STAC: variants seen among roughly 807,000 people sequenced by gnomAD.
The protein encoded by STAC is SH3 and cysteine rich domain, also known as SH3 and cysteine-rich domain-containing protein.
In STAC, 43 loss-of-function variants were observed where a neutral mutation model predicts 48.8. The observed-to-expected ratio is 0.88, with a 90% confidence interval of 0.69 to 1.14. STAC has a LOEUF of 1.14. STAC is among the 50% of genes most tolerant of loss of function. The probability of loss-of-function intolerance (pLI) is 0.00; values close to 1 mark genes in which losing one functional copy is unlikely to be tolerated. For synonymous variants in STAC, 193 were observed against 179.5 expected (o/e 1.07, Z -0.60); for missense variants, 497 against 504.0 (o/e 0.99, Z 0.13).
At chr3:36,527,226 G>C (rs1259746669) in intron 8 of STAC, among the ~76,000 whole-genome samples, 3 of 152,118 alleles carry the variant, frequency 2.0e-5, no homozygotes, top group African/African-American at 7.2e-5. Flanking sequence ...ATAAAGGATA[G>C]GCCAACTAAT....
At chr3:36,414,169 C>A (rs901371348) in intron 1 of STAC, among the ~76,000 whole-genome samples, 24 of 152,134 alleles carry the variant, frequency 1.6e-4, no homozygotes, top group African/African-American at 5.3e-4. Context: ...TTTCTCTTCT[C>A]AAGGAGTATC....
intron 8 of STAC, among the ~76,000 whole-genome samples, chr3:36,527,413 C>T (rs1698961135): frequency 6.6e-6 from 1 of 151,868 alleles, no homozygotes; most frequent in East Asian, 1.9e-4. Context: ...ATAAAGAACC[C>T]TTAGAAACTA....
intron 2 of STAC, among the ~76,000 whole-genome samples, chr3:36,466,911 C>A (rs1289793366): frequency 6.6e-6 from 1 of 151,476 alleles, no homozygotes; most frequent in Admixed American, 6.6e-5. Context: ...AAGTGGGCAT[C>A]CTAGTCTTGT....
intron 7 of STAC, among the ~76,000 whole-genome samples, 191 bp downstream of exon 7, chr3:36,504,648 G>A (rs1698356652): frequency 6.6e-6 from 1 of 152,122 alleles, no homozygotes; most frequent in South Asian, 2.1e-4. Context: ...GGTAAAAAGA[G>A]TAAGCATTGC....
At chr3:36,462,827 G>T (rs1443538166) in intron 2 of STAC, among the ~76,000 whole-genome samples, 1 of 152,114 alleles carries the variant, frequency 6.6e-6, no homozygotes, top group Non-Finnish European at 1.5e-5. Flanking sequence ...ACATATCATA[G>T]AAATTTATTT....
chr3:36,461,313 A>G (rs1697011325), intron 2 of STAC, among the ~76,000 whole-genome samples: 1 of 152,210 alleles, frequency 6.6e-6, no homozygotes, highest in Admixed American at 6.5e-5. Flanking sequence ...TTAATATCAG[A>G]CACCTTTGCA....
chr3:36,474,006 G>A (rs1278643075), intron 2 of STAC, among the ~76,000 whole-genome samples: 1 of 152,190 alleles, frequency 6.6e-6, no homozygotes, highest in Admixed American at 6.5e-5. Flanking sequence ...TAATATGTTA[G>A]TGATAGTGTA....
At chr3:36,381,889 GTTAC>G (rs1421064675) in intron 1 of STAC, among the ~76,000 whole-genome samples, 1 of 151,854 alleles carries the variant, frequency 6.6e-6, no homozygotes, top group African/African-American at 2.4e-5. Context: ...TTTTTTTCCT[GTTAC>G]TTACTGGCTG....
At chr3:36,505,161 C>T (rs947737716) in intron 7 of STAC, among the ~76,000 whole-genome samples, 11 of 152,064 alleles carry the variant, frequency 7.2e-5, no homozygotes, top group African/African-American at 2.7e-4. Flanking sequence ...ACACAACAAA[C>T]TATCAAAACA....
At chr3:36,453,627 G>GGAGGCTAGGGGATTGTAAA (rs1553636174) in intron 2 of STAC, among the ~76,000 whole-genome samples, 15 of 106,304 alleles carry the variant, frequency 1.4e-4, no homozygotes, top group South Asian at 5.1e-4. Context: ...TCCCTGACGA[G>GGAGGCTAGGGGATTGTAAA]CGCCGCCCCC....
In STAC at chr3:36,486,199, AC is replaced by A; in HGVS notation, c.638del (p.Thr213LysfsTer37). ...LRFGTSLAQR[T>X]KKGSSGSGSD... ...CTTCGGCACCTCCCTGGCCCAGAGG[AC>A]AAAGAAGGGCAGCTCCGGCAGTGGC... is the stretch of plus-strand genomic sequence containing the variant. On this transcript the variant is annotated frameshift_variant, in exon 5 of 11. Transcript: ENST00000273183. LOFTEE classifies it high-confidence loss of function. 2 of 1,613,984 alleles carry A rather than the reference AC, an allele frequency of 1.2e-6. No homozygotes were observed. The highest frequency in any genetic ancestry group is 2.2e-5 in the South Asian group (2 of 91,030).
intron 8 of STAC, among the ~76,000 whole-genome samples, chr3:36,510,091 A>G (rs1036820762): frequency 1.3e-5 from 2 of 152,210 alleles, no homozygotes; most frequent in Non-Finnish European, 2.9e-5. Context: ...CAGAATCGAC[A>G]AGGAACTTAA....
At chr3:36,495,004 C>A (rs949630878) in intron 6 of STAC, among the ~76,000 whole-genome samples, 5 of 152,188 alleles carry the variant, frequency 3.3e-5, no homozygotes, top group Non-Finnish European at 5.9e-5. Flanking sequence ...TCCCCTGACA[C>A]TCTTCTCATC....
At chr3:36,506,654 A>T (rs934805398) in intron 8 of STAC, among the ~76,000 whole-genome samples, 4 of 152,108 alleles carry the variant, frequency 2.6e-5, no homozygotes, top group African/African-American at 7.2e-5. Flanking sequence ...ATCCCTTGTA[A>T]GCTGGATTCC....
intron 1 of STAC, among the ~76,000 whole-genome samples, chr3:36,426,311 T>C (rs1213631325): frequency 6.6e-6 from 1 of 152,236 alleles, no homozygotes; most frequent in Non-Finnish European, 1.5e-5. Flanking sequence ...TATCTCTTGC[T>C]AGATAGATTA....
rs141157024 is a variant in STAC at position 36,401,444 on chromosome 3, T to C, written c.111+20690T>C. 1.2e-3 allele frequency among the ~76,000 whole-genome samples: 187 copies of C among 152,224 alleles called. 3 individuals are homozygous for C. In the East Asian group the frequency reaches 0.026, roughly 21 times the overall value. On this transcript the variant is annotated intron_variant, in intron 1 of 10. Coordinates refer to ENST00000273183, the MANE Select transcript of STAC (RefSeq NM_003149.3). ...CAGAAAGCTACCTTAAGGACCTCGATAGAAAATAACCAGTGTGTCAAATTG... is the reference window on the plus strand; with the variant it reads ...CAGAAAGCTACCTTAAGGACCTCGACAGAAAATAACCAGTGTGTCAAATTG...
chr3:36,530,845 G>A (rs777658572), intron 10 of STAC, among the ~76,000 whole-genome samples: 4 of 151,854 alleles, frequency 2.6e-5, no homozygotes, highest in South Asian at 4.1e-4. Flanking sequence ...TGATCCACCC[G>A]CCTCGGCCTC....
intron 1 of STAC, among the ~76,000 whole-genome samples, chr3:36,412,360 G>T (rs563156451): frequency 1.3e-5 from 2 of 152,184 alleles, no homozygotes. Context: ...ACATTTCATT[G>T]GCCAAAACTG....
chr3:36,423,288 CAT>C (rs1306426011), intron 1 of STAC, among the ~76,000 whole-genome samples: 1 of 151,888 alleles, frequency 6.6e-6, no homozygotes, highest in African/African-American at 2.4e-5. Context: ...AGCTTAGAAA[CAT>C]ATAATCTAAC....
Sources: gnomAD v4.1 joint callset for allele counts (sites outside exome capture counted in the v4.1 genomes callset) on GRCh38, gnomAD v4.1.1 for gene constraint, MANE v1.5 for transcripts, NCBI Gene and HGNC (gene_info 2026-07-23, HGNC 2026-07-21) for gene names.